RGS7BP: variants seen among roughly 807,000 people sequenced by gnomAD.
The protein encoded by RGS7BP is regulator of G protein signaling 7 binding protein.
Under a neutral mutation model 31.3 loss-of-function variants are expected in RGS7BP, and 9 were observed. The observed-to-expected ratio is 0.29, with a 90% CI of 0.17 to 0.50. The LOEUF (loss-of-function observed/expected upper bound fraction) is 0.50. Ranked by LOEUF, RGS7BP falls within the 20% of genes least tolerant of loss-of-function variation. RGS7BP has a pLI of 0.98. For synonymous variants in RGS7BP, 115 were observed against 120.1 expected, an observed-to-expected ratio of 0.96 and a Z score of 0.28; for missense variants, 274 against 322.0, an observed-to-expected ratio of 0.85 and a Z score of 1.14.
rs1158199262 is a variant in RGS7BP at position 64,506,399 on chromosome 5, C to T, written c.-226C>T. ...TGCTGCTGAGCAGAACTTGATCGCGCTCCTTCCTCGCTGCTAGTGGAAGCG... is the reference window on the plus strand; with the variant it reads ...TGCTGCTGAGCAGAACTTGATCGCGTTCCTTCCTCGCTGCTAGTGGAAGCG... On this transcript the variant is annotated 5_prime_UTR_variant, in exon 1 of 6. Transcript: ENST00000334025. The surrounding 1 kb of genome is among the most constrained non-coding windows in gnomAD (Gnocchi z 4.6). The T allele has an allele frequency of 1.2e-5, 5 of 404,352 alleles. No homozygotes were observed. Among genetic ancestry groups the T allele is most frequent in the East Asian group, 1.1e-4 (3 of 28,132 alleles). The allele number at this position is 404,352 out of a possible 1,614,324, so 25.0% of individuals were successfully genotyped here.
chr5:64,608,298 C>G (rs933692145), intron 5 of RGS7BP, among the ~76,000 whole-genome samples: 1 of 152,006 alleles, frequency 6.6e-6, no homozygotes, highest in African/African-American at 2.4e-5. Flanking sequence ...TTGCTTTGCA[C>G]TTTTTTAAAT....
At chr5:64,549,394 T>G (rs2111831508) in intron 2 of RGS7BP, among the ~76,000 whole-genome samples, 1 of 152,338 alleles carries the variant, frequency 6.6e-6, no homozygotes, top group Non-Finnish European at 1.5e-5. Flanking sequence ...CCAGGTCAAC[T>G]GGGTGGCAGA....
At position 64,609,188 on chromosome 5, in the gene RGS7BP, C is replaced by T. The variant is rs866082577; in HGVS notation, c.710C>T (p.Pro237Leu). The change falls in exon 6 of 6, where the codon CCC becomes CTC. Residue 237 changes from proline (P) to leucine (L), a missense_variant. Pro to Leu is a moderately conservative substitution (Grantham distance 98). This residue lies in a region of RGS7BP where 112 missense variants were observed against 130.9 expected (regional missense o/e 0.86). Coordinates refer to ENST00000334025, the MANE Select transcript of RGS7BP (RefSeq NM_001029875.3). Reference sequence around the variant, plus strand: ...GACAGCAGCCTTCTGAATCTAACTCCCTACCCCCTGGTGAGAAGACGGAAG... The same window carrying T: ...GACAGCAGCCTTCTGAATCTAACTCTCTACCCCCTGGTGAGAAGACGGAAG... ...QDDSSLLNLT[P>L]YPLVRRRKRR... 7.4e-6 allele frequency: 12 copies of T among 1,611,162 alleles called. No homozygotes were observed. The highest frequency in any genetic ancestry group is 1.0e-5 in the Non-Finnish European group (12 of 1,177,756).
chr5:64,605,604 A>G (rs1310496354), intron 5 of RGS7BP, among the ~76,000 whole-genome samples: 7 of 152,098 alleles, frequency 4.6e-5, no homozygotes, highest in Non-Finnish European at 1.0e-4. Context: ...TCAGCTCCCT[A>G]TGGTGTAGAA....
chr5:64,548,494 C>A (rs1741712995), intron 2 of RGS7BP, among the ~76,000 whole-genome samples: 1 of 152,036 alleles, frequency 6.6e-6, no homozygotes, highest in Non-Finnish European at 1.5e-5. Flanking sequence ...TACTGGACAA[C>A]CAACCTGTTC....
intron 2 of RGS7BP, among the ~76,000 whole-genome samples, chr5:64,544,614 C>A (rs1026907279): frequency 1.3e-5 from 2 of 151,608 alleles, no homozygotes; most frequent in East Asian, 3.9e-4. Flanking sequence ...TTCAAGGTTG[C>A]AGTAAGTTTT....
At chr5:64,509,250 A>C (rs1034548495) in intron 2 of RGS7BP, among the ~76,000 whole-genome samples, 1 of 152,218 alleles carries the variant, frequency 6.6e-6, no homozygotes, top group Admixed American at 6.5e-5. Flanking sequence ...TTAGAAGTAC[A>C]GATAAACAGT....
chr5:64,510,188 T>C (rs1422317788), intron 2 of RGS7BP, among the ~76,000 whole-genome samples: 1 of 152,184 alleles, frequency 6.6e-6, no homozygotes, highest in Non-Finnish European at 1.5e-5. Context: ...ACCCAGCTAT[T>C]TCCTTTCAGC....
intron 2 of RGS7BP, among the ~76,000 whole-genome samples, chr5:64,551,449 G>C (rs921830346): frequency 6.6e-6 from 1 of 151,398 alleles, no homozygotes; most frequent in Non-Finnish European, 1.5e-5. Flanking sequence ...TTTTAGTAGA[G>C]ACAGGGTTTC....
At chr5:64,569,532 A>T (rs927308194) in intron 2 of RGS7BP, among the ~76,000 whole-genome samples, 5 of 152,106 alleles carry the variant, frequency 3.3e-5, no homozygotes, top group African/African-American at 1.2e-4. Flanking sequence ...TTCTGTATTT[A>T]TGAGAGTCTG....
intron 2 of RGS7BP, among the ~76,000 whole-genome samples, chr5:64,514,403 G>A (rs1487991522): frequency 6.6e-6 from 1 of 151,974 alleles, no homozygotes; most frequent in Non-Finnish European, 1.5e-5. Context: ...ACACACTTTG[G>A]GTTGTTTTGC....
chr5:64,592,888 C>T (rs1742958612), intron 3 of RGS7BP, among the ~76,000 whole-genome samples: 1 of 152,186 alleles, frequency 6.6e-6, no homozygotes, highest in Non-Finnish European at 1.5e-5. Flanking sequence ...TGCTCAGACT[C>T]ACATCCTAAG....
chr5:64,555,199 G>C (rs1011222691), intron 2 of RGS7BP, among the ~76,000 whole-genome samples: 4 of 152,042 alleles, frequency 2.6e-5, no homozygotes, highest in Non-Finnish European at 5.9e-5. Context: ...ATACAATTAA[G>C]CTTGAAGTGA....
chr5:64,512,869 A>AT (rs11374827), intron 2 of RGS7BP, among the ~76,000 whole-genome samples: 49,004 of 151,992 alleles, frequency 0.32, 9,526 homozygotes, highest in East Asian at 0.69. Context: ...AAGTTTAGAA[A>AT]TTTTTTACAT....
At chr5:64,533,349 TCAGG>T (rs1318594960) in intron 2 of RGS7BP, among the ~76,000 whole-genome samples, 1 of 152,216 alleles carries the variant, frequency 6.6e-6, no homozygotes, top group Non-Finnish European at 1.5e-5. Flanking sequence ...TGCTAGATCT[TCAGG>T]TAAATGGCTC....
rs187545579 is a variant in RGS7BP, at chr5:64,547,920, A to G, written c.333-27854A>G. On this transcript the variant is annotated intron_variant, in intron 2 of 5. Transcript: ENST00000334025. ...AAGAATGCTAATAGGCCTTTTGGGGAAAAATAATAAAATCAACTATTGACA... is the reference window on the plus strand; with the variant it reads ...AAGAATGCTAATAGGCCTTTTGGGGGAAAATAATAAAATCAACTATTGACA... Among the ~76,000 whole-genome samples, 936 of 152,188 alleles carry G rather than the reference A, an allele frequency of 6.2e-3. 8 individuals carry two copies. The highest frequency in any genetic ancestry group is 0.019 in the African/African-American group (788 of 41,570).
At chr5:64,579,520 G>A (rs1469019485) in intron 3 of RGS7BP, among the ~76,000 whole-genome samples, 9 of 139,950 alleles carry the variant, frequency 6.4e-5, no homozygotes, top group East Asian at 2.1e-4. Context: ...CTCCAGCCTG[G>A]GCAACAGAGC....
intron 2 of RGS7BP, among the ~76,000 whole-genome samples, chr5:64,537,458 T>A (rs1741406503): frequency 6.6e-6 from 1 of 152,122 alleles, no homozygotes; most frequent in African/African-American, 2.4e-5. Flanking sequence ...GTTTAAGATA[T>A]ATAGTTAGCG....
chr5:64,567,066 C>A (rs1742188204), intron 2 of RGS7BP, among the ~76,000 whole-genome samples: 1 of 151,966 alleles, frequency 6.6e-6, no homozygotes, highest in South Asian at 2.1e-4. Flanking sequence ...TAAAAATAAA[C>A]CTCCCCTGGG....
Sources: gnomAD v4.1 joint callset for allele counts (sites outside exome capture counted in the v4.1 genomes callset) on GRCh38, gnomAD v4.1.1 for gene constraint, gnomAD v4.1.1 regional missense constraint, Gnocchi (gnomAD v3.1) non-coding constraint, MANE v1.5 for transcripts, NCBI Gene and HGNC (gene_info 2026-07-23, HGNC 2026-07-21) for gene names.